SBNO2: variants seen among roughly 807,000 people sequenced by gnomAD.
The protein encoded by SBNO2 is protein strawberry notch homolog 2.
Under a neutral mutation model 146.3 loss-of-function variants are expected in SBNO2, and 89 were observed. The observed-to-expected ratio is 0.61, with a 90% CI of 0.51 to 0.73. The LOEUF (loss-of-function observed/expected upper bound fraction) is 0.73. Ranked by LOEUF, SBNO2 falls within the 30% of genes least tolerant of loss-of-function variation. The pLI, the probability that SBNO2 is intolerant of heterozygous loss-of-function variation, is 0.00. For synonymous variants in SBNO2, 1,147 were observed against 892.6 expected (o/e 1.29, Z -5.08); for missense variants, 2,092 against 2,003.7 (o/e 1.04, Z -0.84).
intron 5 of SBNO2, among the ~76,000 whole-genome samples, chr19:1,124,569 G>A (rs2079943528): frequency 3.9e-5 from 6 of 152,228 alleles, no homozygotes; most frequent in Non-Finnish European, 8.8e-5. Flanking sequence ...GTGGCCCAGG[G>A]CAGCCCTGCA....
intron 4 of SBNO2, chr19:1,132,295 C>G (rs1001762371): frequency 3.8e-6 from 5 of 1,309,940 alleles, no homozygotes; most frequent in African/African-American, 1.5e-5. Context: ...CCGCCGCCGG[C>G]GCCTACTTCC....
rs1446280021 is a variant in SBNO2 at position 1,120,187 on chromosome 19, G to C, written c.1150-164C>G. 12 of 610,260 alleles carry C rather than the reference G, an allele frequency of 2.0e-5. No homozygotes were observed. The East Asian group carries it at 2.2e-4, about 11-fold the overall frequency. 37.8% of individuals were successfully genotyped at this position (610,260 alleles called of 1,614,324 possible). On this transcript the variant is annotated intron_variant, in intron 11 of 31. Transcript: ENST00000361757. Reference sequence around the variant, plus strand: ...GTCGGAGTGGCAGCCGGCTACCATGGGGGGCGGGCGGGCAGGCGGCCCCCA... The same window carrying C: ...GTCGGAGTGGCAGCCGGCTACCATGCGGGGCGGGCGGGCAGGCGGCCCCCA...
rs1447165968 is a variant in SBNO2, at chr19:1,158,029, C to T, written c.-126-3627G>A. On this transcript the variant is annotated intron_variant, in intron 1 of 31. Coordinates refer to ENST00000361757, the MANE Select transcript of SBNO2 (RefSeq NM_014963.3). This position sits in a 1 kb window ranked among gnomAD's most constrained non-coding sequence, Gnocchi z 9.9. The stretch of plus-strand genomic sequence containing the variant: ...CCTGAGTCTGGGTAACTGCATCTGC[C>T]TCCCGTCTCTCTCTCCTGAGTCCGG... Among the ~76,000 whole-genome samples, 1 of 152,074 alleles carries T rather than the reference C, an allele frequency of 6.6e-6. No homozygotes were observed. Among genetic ancestry groups the T allele is most frequent in the East Asian group, 1.9e-4 (1 of 5,164 alleles).
intron 12 of SBNO2, 142 bp from the exon 13 acceptor site, chr19:1,119,763 AC>A: frequency 1.0e-6 from 1 of 956,744 alleles, no homozygotes; most frequent in South Asian, 1.5e-5. Flanking sequence ...TGGCCTTGGG[AC>A]AGGCGCAGAG....
rs1476295692 is a variant in SBNO2 at position 1,108,202 on chromosome 19, G to C, written c.*18C>G. ...AAACGGTCCCTGTGTCTTGGGGCAT[G>C]TTTCGCCTAAAGGCGTGTCAGAGAG... On this transcript the variant is annotated 3_prime_UTR_variant, in exon 32 of 32. Transcript: ENST00000361757. 6.6e-7 allele frequency: 1 copy of C among 1,523,872 alleles called. No homozygotes were observed. The highest frequency in any genetic ancestry group is 8.8e-7 in the Non-Finnish European group (1 of 1,133,478). 94.4% of individuals were successfully genotyped at this position (1,523,872 alleles called of 1,614,324 possible). A position where few individuals can be genotyped will look rare whatever the true frequency, so the allele number is the denominator to read the frequency against.
Position 1,114,419 on chromosome 19 carries a change from C to T in SBNO2, c.1889G>A (p.Arg630Gln), listed in dbSNP as rs535057070. 82 of 1,525,678 alleles carry T rather than the reference C, an allele frequency of 5.4e-5. 2 individuals are homozygous for T. The East Asian group carries it at 6.9e-4, about 13-fold the overall frequency. The allele number at this position is 1,525,678 out of a possible 1,614,324, so 94.5% of individuals were successfully genotyped here. A position where few individuals can be genotyped will look rare whatever the true frequency, so the allele number is the denominator to read the frequency against. ...GGCTTTGGCCCCGCGTCCCCGAGGT[C>T]GCCCTGCAGGGAAGGACAGGGTCAC... ...DRGAGSKRKR[R>Q]PRGRGAKAPR... Residue 630 changes from arginine to glutamine, a missense_variant, in exon 18 of 32, where the codon CGA becomes CAA. Transcript: ENST00000361757.
At chr19:1,120,065 G>C (rs771635801) in intron 11 of SBNO2, 42 bp from the exon 12 acceptor site, 2 of 1,502,900 alleles carry the variant, frequency 1.3e-6, no homozygotes, top group South Asian at 2.4e-5. Context: ...AAGGACGGGG[G>C]CGACCCCAGG....
chr19:1,129,544 G>A (rs2080004708), intron 4 of SBNO2, among the ~76,000 whole-genome samples: 1 of 152,158 alleles, frequency 6.6e-6, no homozygotes, highest in South Asian at 2.1e-4. Flanking sequence ...ACCTCCCAGA[G>A]CCTCTGGAGG....
rs2079781287 is a variant in SBNO2, at chr19:1,112,764, C to T, written c.2379+54G>A. ...CACAGTCCCCGGGGACCCTTGGGCCCCTCTGTGCCTCTTGGGTCCCGTGGG... is the reference window on the plus strand; with the variant it reads ...CACAGTCCCCGGGGACCCTTGGGCCTCTCTGTGCCTCTTGGGTCCCGTGGG... On this transcript the variant is annotated intron_variant, in intron 20 of 31. Transcript: ENST00000361757. The surrounding 1 kb of genome is among the most constrained non-coding windows in gnomAD (Gnocchi z 5.9). The T allele has an allele frequency of 6.6e-7, 1 of 1,518,608 alleles. No homozygotes were observed. Among genetic ancestry groups the T allele is most frequent in the Non-Finnish European group, 8.8e-7 (1 of 1,130,746 alleles). 94.1% of individuals were successfully genotyped at this position (1,518,608 alleles called of 1,614,324 possible). A position where few individuals can be genotyped will look rare whatever the true frequency, so the allele number is the denominator to read the frequency against.
chr19:1,132,178 C>A (rs1291485912), intron 4 of SBNO2: 3 of 1,424,616 alleles, frequency 2.1e-6, no homozygotes, highest in Non-Finnish European at 1.8e-6. Flanking sequence ...GGAAGCGCTG[C>A]CCGGGAGCGG....
chr19:1,123,521 C>T lies in SBNO2; in HGVS notation c.628+13G>A, dbSNP rs2079929508. 3 of 1,610,222 alleles carry T rather than the reference C, an allele frequency of 1.9e-6. No homozygotes were observed. The highest frequency in any genetic ancestry group is 2.7e-5 in the African/African-American group (2 of 74,834). On this transcript the variant is annotated intron_variant, in intron 7 of 31. Transcript: ENST00000361757. ...GAACCTGTCCCAGGGCTGGGTGCAG[C>T]CGGGCCACTCACACTTGGACGGCAC...
At chr19:1,171,609 T>C (rs770506249) in intron 1 of SBNO2, among the ~76,000 whole-genome samples, 1 of 152,132 alleles carries the variant, frequency 6.6e-6, no homozygotes, top group African/African-American at 2.4e-5. Context: ...GTCGCCTCTT[T>C]GTTCGGGGCA....
intron 23 of SBNO2, 31 bp downstream of exon 23, chr19:1,111,965 C>A (rs956233607): frequency 2.5e-6 from 4 of 1,591,538 alleles, no homozygotes; most frequent in East Asian, 2.3e-5. Context: ...TGCCCCTGCC[C>A]CGCCCCCCAA....
intron 4 of SBNO2, among the ~76,000 whole-genome samples, chr19:1,135,486 A>G (rs11880562): frequency 0.12 from 17,713 of 152,278 alleles, 1,480 homozygotes; most frequent in African/African-American, 0.23. Flanking sequence ...ATGTGACAGC[A>G]CAGCCCAGGG....
rs1418204372 is a variant in SBNO2 at position 1,140,706 on chromosome 19, C to T, written c.279+6603G>A. On this transcript the variant is annotated intron_variant, in intron 4 of 31. Transcript: ENST00000361757. This position sits in a 1 kb window ranked among gnomAD's most constrained non-coding sequence, Gnocchi z 4.4. Reference sequence around the variant, plus strand: ...AGAAGGCACACGGAAAACAGACGGACGCAGCAGGGATGCCCGCAGGCAGCT... The same window carrying T: ...AGAAGGCACACGGAAAACAGACGGATGCAGCAGGGATGCCCGCAGGCAGCT... Among the ~76,000 whole-genome samples, 7 of 152,312 alleles carry T rather than the reference C, an allele frequency of 4.6e-5. No individual in the cohort carries two copies. In the South Asian group the frequency reaches 1.0e-3, roughly 23 times the overall value.
chr19:1,163,667 T>G (rs770793494), intron 1 of SBNO2, among the ~76,000 whole-genome samples: 1 of 152,202 alleles, frequency 6.6e-6, no homozygotes, highest in Non-Finnish European at 1.5e-5. Context: ...GCTCCCGAGC[T>G]TGGACCCTGC....
intron 4 of SBNO2, among the ~76,000 whole-genome samples, chr19:1,133,447 C>T (rs552316419): frequency 3.6e-4 from 54 of 152,014 alleles, no homozygotes; most frequent in African/African-American, 1.3e-3. Flanking sequence ...CTGTGCACTC[C>T]GCCCCCTCGG....
At position 1,119,750 on chromosome 19, in the gene SBNO2, G is replaced by C. The variant is rs2079877626; in HGVS notation, c.1268-129C>G. On this transcript the variant is annotated intron_variant, in intron 12 of 31. Transcript: ENST00000361757. ...GGAGCCATGGGCCTGAAGAGAGCCAGCGTGGCCTTGGGACAGGCGCAGAGG... is the reference window on the plus strand; with the variant it reads ...GGAGCCATGGGCCTGAAGAGAGCCACCGTGGCCTTGGGACAGGCGCAGAGG... 3.0e-6 allele frequency: 3 copies of C among 984,580 alleles called. No homozygotes were observed. The Admixed American group carries it at 6.4e-5, about 21-fold the overall frequency. 61.0% of individuals were successfully genotyped at this position (984,580 alleles called of 1,614,324 possible). A position where few individuals can be genotyped will look rare whatever the true frequency, so the allele number is the denominator to read the frequency against.
Position 1,144,653 on chromosome 19 carries a change from G to GAGGCAGAGAGGGAAACAGACGA in SBNO2, c.279+2634_279+2655dup, listed in dbSNP as rs2080169961. On this transcript the variant is annotated intron_variant, in intron 4 of 31. Transcript: ENST00000361757. The surrounding 1 kb of genome is among the most constrained non-coding windows in gnomAD (Gnocchi z 4.1). ...GAAGACAGAGAGGGCGACAGAGACA[G>GAGGCAGAGAGGGAAACAGACGA]AGGCAGAGAGGGAAACAGACGAAGA... 6.6e-6 allele frequency among the ~76,000 whole-genome samples: 1 copy of GAGGCAGAGAGGGAAACAGACGA among 151,894 alleles called. No homozygotes were observed. Among genetic ancestry groups the GAGGCAGAGAGGGAAACAGACGA allele is most frequent in the Admixed American group, 6.6e-5 (1 of 15,236 alleles).
Sources: allele counts gnomAD v4.1 joint callset (sites outside exome capture counted in the v4.1 genomes callset), GRCh38; gene constraint gnomAD v4.1.1; non-coding constraint Gnocchi (gnomAD v3.1); transcripts MANE v1.5; gene names NCBI Gene and HGNC (gene_info 2026-07-23, HGNC 2026-07-21).